Variants in CYP2C19 observed in about 807,000 individuals in gnomAD.
CYP2C19 encodes cytochrome P450 2C19.
Under a neutral mutation model 40.9 loss-of-function variants are expected in CYP2C19, and 59 were observed. The ratio of observed to expected loss-of-function variants is 1.44; its 90% CI spans 1.17 to 1.79. CYP2C19 has a LOEUF of 1.79. CYP2C19 is among the 40% of genes most tolerant of loss of function. The pLI is 0.00. For missense variants in CYP2C19, 754 were observed against 596.9 expected (o/e 1.26, Z -2.74); for synonymous variants, 253 against 208.7 (o/e 1.21, Z -1.83).
intron 5 of CYP2C19, among the ~76,000 whole-genome samples, chr10:94,816,610 G>A (rs1185358073): frequency 6.6e-6 from 1 of 150,814 alleles, no homozygotes; most frequent in African/African-American, 2.4e-5. Flanking sequence ...TAAGTTTTAG[G>A]GTACATGTGC....
chr10:94,786,058 T>A (rs190680549), intron 5 of CYP2C19, among the ~76,000 whole-genome samples: 60 of 152,038 alleles, frequency 3.9e-4, no homozygotes, highest in Middle Eastern at 3.4e-3. Flanking sequence ...CCTCTTTGGA[T>A]GTCTCTCTCT....
At chr10:94,820,359 C>G in intron 5 of CYP2C19, 137 bp from the exon 6 acceptor site, 1 of 982,210 alleles carries the variant, frequency 1.0e-6, no homozygotes, top group Non-Finnish European at 1.5e-6. Flanking sequence ...CTCACCGCTC[C>G]TATTCAATAT....
intron 6 of CYP2C19, 142 bp downstream of exon 6, chr10:94,820,779 G>T (rs1849107209): frequency 2.8e-6 from 3 of 1,083,868 alleles, no homozygotes; most frequent in Non-Finnish European, 1.3e-6. Context: ...CCAATTTAAT[G>T]GTGTGATTAA....
chr10:94,841,727 C>A (rs1161515543), intron 6 of CYP2C19, among the ~76,000 whole-genome samples: 1 of 152,136 alleles, frequency 6.6e-6, no homozygotes, highest in African/African-American at 2.4e-5. Flanking sequence ...TTCTGAATTT[C>A]CTTTTTAATC....
chr10:94,810,925 G>C (rs1225040347), intron 5 of CYP2C19, among the ~76,000 whole-genome samples: 1 of 151,986 alleles, frequency 6.6e-6, no homozygotes, highest in Non-Finnish European at 1.5e-5. Context: ...TCTTCTGCTA[G>C]GTTTGAATTT....
chr10:94,829,705 C>T (rs148589627), intron 6 of CYP2C19, among the ~76,000 whole-genome samples: 27,654 of 151,798 alleles, frequency 0.18, 2,792 homozygotes, highest in South Asian at 0.33. Context: ...TGAGGAACTA[C>T]GTTCCTTTGG....
At chr10:94,838,438 T>C (rs914238087) in intron 6 of CYP2C19, among the ~76,000 whole-genome samples, 1 of 152,218 alleles carries the variant, frequency 6.6e-6, no homozygotes, top group African/African-American at 2.4e-5. Context: ...CTAACCCTTA[T>C]AAAACATCAA....
chr10:94,789,444 C>A (rs553391131), intron 5 of CYP2C19, among the ~76,000 whole-genome samples: 6 of 151,958 alleles, frequency 3.9e-5, no homozygotes, highest in African/African-American at 1.2e-4. Flanking sequence ...AATGGTATTG[C>A]GTAGGTTTTC....
chr10:94,785,284 GT>G (rs1361786831), intron 5 of CYP2C19, among the ~76,000 whole-genome samples: 6 of 151,962 alleles, frequency 3.9e-5, no homozygotes, highest in Non-Finnish European at 8.8e-5. Flanking sequence ...GAGTTTTATA[GT>G]TTTAGCCCTT....
At chr10:94,789,496 T>C (rs1399261589) in intron 5 of CYP2C19, among the ~76,000 whole-genome samples, 1 of 152,184 alleles carries the variant, frequency 6.6e-6, no homozygotes, top group African/African-American at 2.4e-5. Flanking sequence ...TTTAAGTCTT[T>C]AATCCATCTT....
At chr10:94,775,311 C>T in intron 2 of CYP2C19, 79 bp from the exon 3 acceptor site, 1 of 1,612,350 alleles carries the variant, frequency 6.2e-7, no homozygotes, top group Non-Finnish European at 8.5e-7. Flanking sequence ...GAGCTTGGCC[C>T]ATCCACATGG....
At chr10:94,779,006 C>T (rs937224847) in intron 3 of CYP2C19, among the ~76,000 whole-genome samples, 3 of 152,022 alleles carry the variant, frequency 2.0e-5, no homozygotes, top group Non-Finnish European at 4.4e-5. Context: ...AGCAAACTAA[C>T]AGAGGAACAG....
rs572876309 is a variant in CYP2C19 at position 94,834,402 on chromosome 10, G to A, written c.962-8435G>A. On this transcript the variant is annotated intron_variant, in intron 6 of 8. Coordinates refer to ENST00000371321, the MANE Select transcript of CYP2C19 (RefSeq NM_000769.4). ...GAAACTTCTTTTTTTTCTTAGTCTG[G>A]CTAAAAACTTGTCAATTTTGTTTAA... is the stretch of plus-strand genomic sequence containing the variant. 2.6e-5 allele frequency among the ~76,000 whole-genome samples: 4 copies of A among 151,496 alleles called. No homozygotes were observed. In the East Asian group the frequency reaches 7.8e-4, roughly 29 times the overall value.
chr10:94,834,428 T>A (rs948319193), intron 6 of CYP2C19, among the ~76,000 whole-genome samples: 1 of 152,160 alleles, frequency 6.6e-6, no homozygotes, highest in Admixed American at 6.5e-5. Flanking sequence ...TTTTGTTTAA[T>A]TTCTCAAAGA....
intron 6 of CYP2C19, among the ~76,000 whole-genome samples, chr10:94,832,040 T>C (rs967454656): frequency 6.6e-6 from 1 of 152,220 alleles, no homozygotes; most frequent in African/African-American, 2.4e-5. Context: ...GTTTGAGGTC[T>C]CATACTTAAG....
At chr10:94,838,590 A>T (rs896261397) in intron 6 of CYP2C19, among the ~76,000 whole-genome samples, 11 of 151,926 alleles carry the variant, frequency 7.2e-5, no homozygotes, top group Non-Finnish European at 1.6e-4. Flanking sequence ...ATCAGGGAAT[A>T]TTGGCACTCT....
Position 94,853,910 on chromosome 10 carries a change from C to A in CYP2C19, c.*996C>A, listed in dbSNP as rs555491544. Among the ~76,000 whole-genome samples the A allele has an allele frequency of 2.0e-5, 3 of 152,234 alleles. No individual in the cohort carries two copies. The highest frequency in any genetic ancestry group is 7.2e-5 in the African/African-American group (3 of 41,548). ...AAGAATCAGGTTACTTTTATTACTT[C>A]ATGTTTCCAACTTAGAATGAAGTAA... On this transcript the variant is annotated 3_prime_UTR_variant, in exon 9 of 9. Transcript: ENST00000371321.
At chr10:94,770,147 T>A (rs1848307333) in intron 1 of CYP2C19, among the ~76,000 whole-genome samples, 1 of 152,012 alleles carries the variant, frequency 6.6e-6, no homozygotes, top group South Asian at 2.1e-4. Flanking sequence ...TGGTTAAACA[T>A]ACCCAGGACT....
At chr10:94,845,209 T>G (rs1033749960) in intron 7 of CYP2C19, among the ~76,000 whole-genome samples, 2 of 152,200 alleles carry the variant, frequency 1.3e-5, no homozygotes, top group African/African-American at 4.8e-5. Context: ...GGCCAGATAG[T>G]AAATATTTTA....
Sources: gnomAD v4.1 joint callset for allele counts (sites outside exome capture counted in the v4.1 genomes callset) on GRCh38, gnomAD v4.1.1 for gene constraint, MANE v1.5 for transcripts, NCBI Gene and HGNC (gene_info 2026-07-23, HGNC 2026-07-21) for gene names.